The following RAPH1 variants were observed in gnomAD, a reference collection of about 807,000 sequenced individuals.
RAPH1 encodes Ras association (RalGDS/AF-6) and pleckstrin homology domains 1.
RAPH1 carries 18 observed loss-of-function variants against 88.1 expected under a neutral mutation model. The ratio of observed to expected loss-of-function variants is 0.20; its 90% CI spans 0.14 to 0.30. The LOEUF (loss-of-function observed/expected upper bound fraction) is 0.30. Among genes scored for constraint, RAPH1 ranks in the 10% least tolerant of loss-of-function variants. The pLI is 1.00. For missense variants in RAPH1, 1,448 were observed against 1,543.2 expected (o/e 0.94, Z 1.03); for synonymous variants, 587 against 559.0 (o/e 1.05, Z -0.71).
Position 203,461,376 on chromosome 2 carries a change from A to G in RAPH1, c.843T>C (p.Ser281=). The stretch of plus-strand genomic sequence containing the variant: ...TCTCATCCACCATCATTGTTTTAGA[A>G]CTGTCATCAGACATGTGGACTCTGA... ...LVIRVHMSDD[S]SKTMMVDERQ... The change falls in exon 6 of 14, where the codon AGT becomes AGC. Residue 281 remains serine, a synonymous_variant. Coordinates refer to ENST00000319170, the MANE Select transcript of RAPH1 (RefSeq NM_213589.3). 1.2e-6 allele frequency: 2 copies of G among 1,609,828 alleles called. No homozygotes were observed. The highest frequency in any genetic ancestry group is 1.7e-6 in the Non-Finnish European group (2 of 1,177,872).
intron 4 of RAPH1, among the ~76,000 whole-genome samples, chr2:203,471,147 C>A (rs1422397620): frequency 6.6e-6 from 1 of 151,970 alleles, no homozygotes. Context: ...TTGGACTGGC[C>A]TCTCATGAAA....
chr2:203,476,856 A>G (rs186639114), intron 4 of RAPH1, among the ~76,000 whole-genome samples: 2 of 152,352 alleles, frequency 1.3e-5, no homozygotes, highest in East Asian at 3.8e-4. Context: ...TACAAAAATC[A>G]TCTATATCAA....
chr2:203,511,049 T>A (rs924253755), intron 1 of RAPH1, among the ~76,000 whole-genome samples: 3 of 152,166 alleles, frequency 2.0e-5, no homozygotes, highest in Admixed American at 2.0e-4. Flanking sequence ...CATTTATAGC[T>A]AATCAGCTTT....
chr2:203,441,575 G>A, intron 13 of RAPH1, 162 bp from the exon 14 acceptor site: 1 of 1,367,370 alleles, frequency 7.3e-7, no homozygotes. Context: ...ACAATGTCAG[G>A]AAGGCTAAAA....
intron 1 of RAPH1, among the ~76,000 whole-genome samples, chr2:203,504,505 G>A (rs1008377419): frequency 1.8e-4 from 27 of 152,214 alleles, no homozygotes; most frequent in East Asian, 5.8e-4. Context: ...TCCTGGGCCC[G>A]GCCCACGAAA....
At position 203,440,778 on chromosome 2, in the gene RAPH1, G is replaced by A. The variant is rs879738935; in HGVS notation, c.2412C>T (p.Pro804=). Residue 804 remains proline, a synonymous_variant, in exon 14 of 14, where the codon CCC becomes CCT. Transcript: ENST00000319170. ...VAPVVTQAAP[P]TPTPPVPPAK... is the part of the protein sequence containing the mutation. ...CTGGGGGCACTGGAGGAGTAGGTGT[G>A]GGTGGTGCAGCTTGAGTCACAACAG... 1.9e-6 allele frequency: 3 copies of A among 1,611,498 alleles called. No individual in the cohort carries two copies. The highest frequency in any genetic ancestry group is 1.1e-5 in the South Asian group (1 of 90,680).
At chr2:203,482,018 ACACAC>A (rs1687753736) in intron 4 of RAPH1, among the ~76,000 whole-genome samples, 1 of 137,870 alleles carries the variant, frequency 7.3e-6, no homozygotes, top group South Asian at 2.7e-4. Flanking sequence ...GAAAAAAAAA[ACACAC>A]ACACACACAG....
At position 203,434,633 on chromosome 2, in the gene RAPH1, A is replaced by G. The variant is rs1215752833; in HGVS notation, c.*4804T>C. 1 of 152,608 alleles carries G rather than the reference A, an allele frequency of 6.6e-6. No homozygotes were observed. Among genetic ancestry groups the G allele is most frequent in the East Asian group, 1.9e-4 (1 of 5,182 alleles). 9.5% of individuals were successfully genotyped at this position (152,608 alleles called of 1,614,324 possible). A position where few individuals can be genotyped will look rare whatever the true frequency, so the allele number is the denominator to read the frequency against. The stretch of plus-strand genomic sequence containing the variant: ...AAACGGCAGTTTTTGGTATTAGGTT[A>G]CAATAAATTTAACGAATGGACAGTT... On this transcript the variant is annotated 3_prime_UTR_variant, in exon 14 of 14. Transcript: ENST00000319170.
intron 4 of RAPH1, among the ~76,000 whole-genome samples, chr2:203,482,193 T>C (rs567707668): frequency 6.6e-6 from 1 of 152,256 alleles, no homozygotes; most frequent in Admixed American, 6.5e-5. Flanking sequence ...TATTTTATTT[T>C]ATTTTACTTT....
chr2:203,521,208 C>T (rs2105966331), intron 1 of RAPH1, among the ~76,000 whole-genome samples: 1 of 152,132 alleles, frequency 6.6e-6, no homozygotes, highest in South Asian at 2.1e-4. Context: ...TAGGTGCCAC[C>T]ATACCCAGCT....
intron 8 of RAPH1, among the ~76,000 whole-genome samples, chr2:203,456,369 C>T (rs746515798): frequency 2.0e-5 from 3 of 152,146 alleles, no homozygotes; most frequent in East Asian, 1.9e-4. Context: ...AAGAATGCAA[C>T]GTGCTAAGTG....
chr2:203,506,754 A>C (rs79967072), intron 1 of RAPH1, among the ~76,000 whole-genome samples: 3,386 of 119,838 alleles, frequency 0.028, 179 homozygotes, highest in Non-Finnish European at 0.038. Flanking sequence ...ATATATATAT[A>C]TATCTATATA....
chr2:203,439,142 C>A lies in RAPH1; in HGVS notation c.*295G>T. The stretch of plus-strand genomic sequence containing the variant: ...GAGACAACACACATCCCCTTCTATG[C>A]CTCTTCCACCCAAAATACAGAACAC... On this transcript the variant is annotated 3_prime_UTR_variant, in exon 14 of 14. Transcript: ENST00000319170. 1 of 303,908 alleles carries A rather than the reference C, an allele frequency of 3.3e-6. No homozygotes were observed. The highest frequency in any genetic ancestry group is 4.4e-5 in the Admixed American group (1 of 22,730). 18.8% of individuals were successfully genotyped at this position (303,908 alleles called of 1,614,324 possible).
rs182257736 is a variant in RAPH1, at chr2:203,492,755, T to C, written c.121-1436A>G. Among the ~76,000 whole-genome samples the C allele has an allele frequency of 2.7e-5, 4 of 147,344 alleles. No individual in the cohort carries two copies. In the East Asian group the frequency reaches 7.8e-4, roughly 29 times the overall value. Reference sequence around the variant, plus strand: ...AATTTTAAAAGAATGCTGGATACTCTATGTGTTTATAATGCTATCTTTTTT... The same window carrying C: ...AATTTTAAAAGAATGCTGGATACTCCATGTGTTTATAATGCTATCTTTTTT... On this transcript the variant is annotated intron_variant, in intron 2 of 13. Transcript: ENST00000319170.
chr2:203,461,077 T>C (rs1238210371), intron 6 of RAPH1, among the ~76,000 whole-genome samples, 172 bp downstream of exon 6: 3 of 151,898 alleles, frequency 2.0e-5, no homozygotes, highest in Middle Eastern at 6.4e-3. Context: ...GATCGTGCCA[T>C]TGCACTTCAG....
At position 203,439,226 on chromosome 2, in the gene RAPH1, T is replaced by TATACAC. The variant is rs1215548533; in HGVS notation, c.*205_*210dup. 4.2e-5 allele frequency: 22 copies of TATACAC among 527,166 alleles called. No homozygotes were observed. In the East Asian group the frequency reaches 5.8e-4, roughly 14 times the overall value. 32.7% of individuals were successfully genotyped at this position (527,166 alleles called of 1,614,324 possible). A position where few individuals can be genotyped will look rare whatever the true frequency, so the allele number is the denominator to read the frequency against. On this transcript the variant is annotated 3_prime_UTR_variant, in exon 14 of 14. Coordinates refer to ENST00000319170, the MANE Select transcript of RAPH1 (RefSeq NM_213589.3). ...AGAATAACTCTCAGCTCTCTCTCTA[T>TATACAC]ATACACATACACATACATATATGTA...
chr2:203,445,903 C>G (rs970631794), intron 12 of RAPH1: 4 of 152,112 alleles, frequency 2.6e-5, no homozygotes, highest in African/African-American at 9.7e-5. Flanking sequence ...TTCCTACATA[C>G]CCGGCATCCA....
chr2:203,526,500 A>G (rs776374929), intron 1 of RAPH1, among the ~76,000 whole-genome samples: 6 of 152,042 alleles, frequency 3.9e-5, no homozygotes, highest in Non-Finnish European at 8.8e-5. Context: ...CAAGGCAGGC[A>G]GATCACCTGA....
chr2:203,489,072 G>A (rs1260941336), intron 4 of RAPH1, among the ~76,000 whole-genome samples: 2 of 151,554 alleles, frequency 1.3e-5, no homozygotes, highest in African/African-American at 4.9e-5. Context: ...GTTGCAGCGA[G>A]CTGAGATCAC....
Sources: gnomAD v4.1 joint callset for allele counts (sites outside exome capture counted in the v4.1 genomes callset) on GRCh38, gnomAD v4.1.1 for gene constraint, MANE v1.5 for transcripts, NCBI Gene and HGNC (gene_info 2026-07-23, HGNC 2026-07-21) for gene names.